Variants in SLC25A25 observed in about 807,000 individuals in gnomAD.
The protein encoded by SLC25A25 is mitochondrial adenyl nucleotide antiporter SLC25A25.
Under a neutral mutation model 57.7 loss-of-function variants are expected in SLC25A25, and 32 were observed. That is an observed-to-expected ratio of 0.55 (90% CI 0.42 to 0.74). SLC25A25 has a LOEUF of 0.74. Among genes scored for constraint, SLC25A25 ranks in the 30% least tolerant of loss-of-function variants. The probability of loss-of-function intolerance (pLI) is 0.00; values close to 1 mark genes in which losing one functional copy is unlikely to be tolerated. For synonymous variants in SLC25A25, 306 were observed against 291.2 expected (o/e 1.05, Z -0.52); for missense variants, 556 against 701.3 (o/e 0.79, Z 2.34).
At chr9:128,088,396 G>C (rs1395806740) in intron 1 of SLC25A25, among the ~76,000 whole-genome samples, 2 of 152,272 alleles carry the variant, frequency 1.3e-5, no homozygotes, top group East Asian at 3.9e-4. Context: ...GGGGACCCTT[G>C]GGGGAGCTCA....
intron 1 of SLC25A25, chr9:128,094,291 A>G (rs1184357924): frequency 6.6e-6 from 1 of 152,194 alleles, no homozygotes; most frequent in African/African-American, 2.4e-5. Context: ...GAACTGTTCC[A>G]GTTTTTCCCT....
rs184862643 is a variant in SLC25A25 at position 128,103,891 on chromosome 9, G to C, written c.783+52G>C. On this transcript the variant is annotated intron_variant, in intron 6 of 10. Coordinates refer to ENST00000373069, the MANE Select transcript of SLC25A25 (RefSeq NM_001330988.2). This position sits in a 1 kb window ranked among gnomAD's most constrained non-coding sequence, Gnocchi z 6.7. ...CTGGGGGGCCAGTTTCCACCTGGGG[G>C]ATGCTGCTTGGCTAGTTTTCCCTTT... The C allele has an allele frequency of 1.4e-5, 20 of 1,480,414 alleles. No individual in the cohort carries two copies. The Admixed American group carries it at 2.0e-4, about 15-fold the overall frequency. The allele number at this position is 1,480,414 out of a possible 1,614,324, so 91.7% of individuals were successfully genotyped here.
chr9:128,093,421 T>C (rs1319598826), intron 1 of SLC25A25, among the ~76,000 whole-genome samples: 1 of 152,232 alleles, frequency 6.6e-6, no homozygotes, highest in Non-Finnish European at 1.5e-5. Context: ...CCTATTTTTG[T>C]CTTTAGCAGT....
intron 1 of SLC25A25, among the ~76,000 whole-genome samples, chr9:128,086,598 G>A (rs1411228718): frequency 2.0e-5 from 3 of 152,066 alleles, no homozygotes; most frequent in Non-Finnish European, 4.4e-5. Context: ...CTCCCAAAGT[G>A]CTGAGATTAC....
rs1833523787 is a variant in SLC25A25, at chr9:128,095,203, C to T, written c.262-5893C>T. 6.6e-6 allele frequency among the ~76,000 whole-genome samples: 1 copy of T among 152,218 alleles called. No individual in the cohort carries two copies. On this transcript the variant is annotated intron_variant, in intron 1 of 10. Transcript: ENST00000373069. The surrounding 1 kb of genome is among the most constrained non-coding windows in gnomAD (Gnocchi z 4.4). Reference sequence around the variant, plus strand: ...ACCTTTCCCACACACCTGCCGCCTTCCAGTATGAGGTATCACCTACTGTCT... The same window carrying T: ...ACCTTTCCCACACACCTGCCGCCTTTCAGTATGAGGTATCACCTACTGTCT...
rs951414943 is a variant in SLC25A25 at position 128,102,578 on chromosome 9, C to T, written c.624+97C>T. The T allele has an allele frequency of 4.1e-5, 36 of 874,696 alleles. 1 individual carries two copies. Among genetic ancestry groups the T allele is most frequent in the Non-Finnish European group, 5.7e-5 (32 of 561,790 alleles). The allele number at this position is 874,696 out of a possible 1,614,324, so 54.2% of individuals were successfully genotyped here. On this transcript the variant is annotated intron_variant, in intron 5 of 10. Coordinates refer to ENST00000373069, the MANE Select transcript of SLC25A25 (RefSeq NM_001330988.2). This position sits in a 1 kb window ranked among gnomAD's most constrained non-coding sequence, Gnocchi z 4.1. ...ATCCCAGAGTGCAGCTGGGGCTTTCCAGCCACCTCCTCTTCCACAGGAGAC... is the reference window on the plus strand; with the variant it reads ...ATCCCAGAGTGCAGCTGGGGCTTTCTAGCCACCTCCTCTTCCACAGGAGAC...
intron 1 of SLC25A25, among the ~76,000 whole-genome samples, chr9:128,080,246 AAAAC>A (rs1224923872): frequency 3.7e-4 from 20 of 54,078 alleles, no homozygotes; most frequent in Non-Finnish European, 7.8e-4. Context: ...AAAAAACAAA[AAAAC>A]AAAAAAAAAA....
At chr9:128,098,684 ATCCC>A (rs762111328) in intron 1 of SLC25A25, 35 of 1,613,986 alleles carry the variant, frequency 2.2e-5, no homozygotes, top group Non-Finnish European at 4.2e-6. Flanking sequence ...CAGTGTCTTC[ATCCC>A]CTCCCAGGAA....
At chr9:128,076,434 CTTTTT>C (rs1175121070) in intron 1 of SLC25A25, among the ~76,000 whole-genome samples, 1 of 146,744 alleles carries the variant, frequency 6.8e-6, no homozygotes, top group Non-Finnish European at 1.5e-5. Context: ...CCCAGCCTAA[CTTTTT>C]TTTTATTTTT....
chr9:128,104,827 T>A (rs1023831710), intron 6 of SLC25A25, among the ~76,000 whole-genome samples: 2 of 110,854 alleles, frequency 1.8e-5, no homozygotes, highest in South Asian at 5.9e-4. Flanking sequence ...CTTTGATTTT[T>A]AAAAATTATT....
Position 128,073,346 on chromosome 9 carries a change from C to G in SLC25A25, c.261+4766C>G, listed in dbSNP as rs555590114. On this transcript the variant is annotated intron_variant, in intron 1 of 10. Transcript: ENST00000373069. ...TAGGTTTCAAGATTATCCAGTTTAC[C>G]CTGTCAAAGAACAAGAATCCGCCCT... 4.6e-5 allele frequency among the ~76,000 whole-genome samples: 7 copies of G among 152,264 alleles called. No individual in the cohort carries two copies. The East Asian group carries it at 1.4e-3, about 29-fold the overall frequency.
rs191222463 is a variant in SLC25A25, at chr9:128,101,694, G to A, written c.476+298G>A. Reference sequence around the variant, plus strand: ...GCCAGCAAGGAGCACCTGTGCGTGTGGAGGGGGCGGGGCGGGGCGGGGGGC... The same window carrying A: ...GCCAGCAAGGAGCACCTGTGCGTGTAGAGGGGGCGGGGCGGGGCGGGGGGC... On this transcript the variant is annotated intron_variant, in intron 3 of 10. Transcript: ENST00000373069. This position sits in a 1 kb window ranked among gnomAD's most constrained non-coding sequence, Gnocchi z 4.9. Among the ~76,000 whole-genome samples, 1 of 152,200 alleles carries A rather than the reference G, an allele frequency of 6.6e-6. No individual in the cohort carries two copies. The highest frequency in any genetic ancestry group is 1.9e-4 in the East Asian group (1 of 5,182).
At chr9:128,072,055 T>C (rs927092496) in intron 1 of SLC25A25, among the ~76,000 whole-genome samples, 25 of 152,216 alleles carry the variant, frequency 1.6e-4, no homozygotes, top group African/African-American at 6.0e-4. Flanking sequence ...TTTGAACAAA[T>C]TCAGTTGTTA....
chr9:128,093,805 C>G (rs1257428077), intron 1 of SLC25A25, among the ~76,000 whole-genome samples: 1 of 152,220 alleles, frequency 6.6e-6, no homozygotes, highest in Non-Finnish European at 1.5e-5. Context: ...TGGGGCTGGC[C>G]TCACCAAATC....
intron 1 of SLC25A25, chr9:128,091,735 C>T (rs557225981): frequency 1.4e-6 from 2 of 1,466,448 alleles, no homozygotes; most frequent in South Asian, 3.0e-5. Context: ...AGGAAACCGC[C>T]CCTGCATGCA....
rs1292588724 is a variant in SLC25A25, at chr9:128,101,195, T to C, written c.361T>C (p.Phe121Leu). 6.2e-7 allele frequency: 1 copy of C among 1,614,232 alleles called. No individual in the cohort carries two copies. The highest frequency in any genetic ancestry group is 1.1e-5 in the South Asian group (1 of 91,090). The stretch of plus-strand genomic sequence containing the variant: ...TCATGAGAAGAAGCTGAGGCTGGTG[T>C]TTAAGAGTTTGGACAAAAAGAATGA... ...QDHEKKLRLVFKSLDKKNDGR... is the reference protein window; with the variant it reads ...QDHEKKLRLVLKSLDKKNDGR... Residue 121 changes from phenylalanine (F) to leucine (L), a missense_variant, in exon 2 of 11, where the codon TTT becomes CTT. Physicochemically the swap from Phe to Leu is conservative, Grantham distance 22 (BLOSUM62 0). Around this residue, in one of 3 missense-constraint regions of SLC25A25, gnomAD observed 248 missense variants for 273.5 expected, o/e 0.91. Transcript: ENST00000373069. The surrounding 1 kb of genome is among the most constrained non-coding windows in gnomAD (Gnocchi z 4.9).
chr9:128,076,182 C>G (rs569551108), intron 1 of SLC25A25, among the ~76,000 whole-genome samples: 1 of 151,932 alleles, frequency 6.6e-6, no homozygotes, highest in Non-Finnish European at 1.5e-5. Context: ...CCCAGGCTGG[C>G]GTTCAGTGGT....
chr9:128,068,475 ACT>A lies in SLC25A25; in HGVS notation c.159_160del (p.Phe54SerfsTer41), dbSNP rs1378665037. 1.2e-5 allele frequency: 18 copies of A among 1,525,072 alleles called. No individual in the cohort carries two copies. The highest frequency in any genetic ancestry group is 1.5e-5 in the Non-Finnish European group (17 of 1,144,444). The allele number at this position is 1,525,072 out of a possible 1,614,324, so 94.5% of individuals were successfully genotyped here. On this transcript the variant is annotated frameshift_variant, in exon 1 of 11. Transcript: ENST00000373069. LOFTEE classifies it high-confidence loss of function. ...CGGACCACCGGCTGCGCCTGTGGAG[ACT>A]CTTTCAGACGCTCGACGTCAACCGG... ...GPDHRLRLWR[L>X]FQTLDVNRDG...
intron 1 of SLC25A25, among the ~76,000 whole-genome samples, chr9:128,100,027 G>A (rs1009329226): frequency 2.6e-5 from 4 of 152,108 alleles, no homozygotes; most frequent in Non-Finnish European, 5.9e-5. Context: ...TGAGGGTGGC[G>A]GCAGGATGTG....
Sources: allele counts gnomAD v4.1 joint callset (sites outside exome capture counted in the v4.1 genomes callset), GRCh38; gene constraint gnomAD v4.1.1; regional missense constraint gnomAD v4.1.1; non-coding constraint Gnocchi (gnomAD v3.1); transcripts MANE v1.5; gene names NCBI Gene and HGNC (gene_info 2026-07-23, HGNC 2026-07-21).